CADM1: variants seen among roughly 807,000 people sequenced by gnomAD.
CADM1 encodes cell adhesion molecule 1, also known as TSLC-1.
Under a neutral mutation model 53.1 loss-of-function variants are expected in CADM1, and 15 were observed. The ratio of observed to expected loss-of-function variants is 0.28; its 90% confidence interval spans 0.19 to 0.44. The LOEUF is 0.44. CADM1 is among the 20% of genes least tolerant of loss of function. The probability of loss-of-function intolerance (pLI) is 1.00; values close to 1 mark genes in which losing one functional copy is unlikely to be tolerated. For synonymous variants in CADM1, 281 were observed against 243.0 expected (o/e 1.16, Z -1.45); for missense variants, 434 against 611.3 (o/e 0.71, Z 3.06).
intron 1 of CADM1, among the ~76,000 whole-genome samples, chr11:115,480,157 T>C (rs1412846644): frequency 6.6e-6 from 1 of 152,186 alleles, no homozygotes; most frequent in Non-Finnish European, 1.5e-5. Context: ...TAAGAAAAGA[T>C]ACCTAAGTCT....
chr11:115,206,145 T>G (rs1026598765), intron 8 of CADM1, among the ~76,000 whole-genome samples: 1 of 152,236 alleles, frequency 6.6e-6, no homozygotes, highest in Non-Finnish European at 1.5e-5. Context: ...TATTGAATAC[T>G]GTACTGAAAG....
chr11:115,343,199 T>C (rs1945493609), intron 1 of CADM1, among the ~76,000 whole-genome samples: 2 of 152,236 alleles, frequency 1.3e-5, no homozygotes, highest in South Asian at 4.1e-4. Flanking sequence ...AAAATTAAGT[T>C]AATTGTCCAA....
chr11:115,439,941 C>T (rs1016740820), intron 1 of CADM1, among the ~76,000 whole-genome samples: 1 of 152,150 alleles, frequency 6.6e-6, no homozygotes, highest in African/African-American at 2.4e-5. Flanking sequence ...AATCTGTTCC[C>T]TGAATTAACA....
chr11:115,201,698 C>A (rs1048020377), intron 8 of CADM1, among the ~76,000 whole-genome samples: 4 of 151,914 alleles, frequency 2.6e-5, no homozygotes, highest in African/African-American at 9.7e-5. Context: ...AAAACCTCAT[C>A]TTGCTGCTGC....
At chr11:115,420,849 A>C (rs1425473558) in intron 1 of CADM1, among the ~76,000 whole-genome samples, 1 of 152,134 alleles carries the variant, frequency 6.6e-6, no homozygotes, top group Non-Finnish European at 1.5e-5. Flanking sequence ...AGAAAAGTGC[A>C]TCTTCCTAAA....
At chr11:115,377,905 C>A (rs1281038839) in intron 1 of CADM1, 1 of 152,114 alleles carries the variant, frequency 6.6e-6, no homozygotes, top group Non-Finnish European at 1.5e-5. Flanking sequence ...TTAACCCAGT[C>A]CTTCATGAAC....
At chr11:115,367,146 C>T (rs1310212021) in intron 1 of CADM1, among the ~76,000 whole-genome samples, 1 of 152,192 alleles carries the variant, frequency 6.6e-6, no homozygotes, top group Non-Finnish European at 1.5e-5. Flanking sequence ...CCCCGGAGTT[C>T]GAGGCTGCAG....
At chr11:115,343,738 A>T (rs963809918) in intron 1 of CADM1, among the ~76,000 whole-genome samples, 18 of 146,744 alleles carry the variant, frequency 1.2e-4, no homozygotes, top group African/African-American at 4.5e-4. Flanking sequence ...AAAAAAAAAT[A>T]GCATCGAATA....
chr11:115,182,653 TAG>T (rs1305905229), intron 10 of CADM1, among the ~76,000 whole-genome samples: 1 of 152,112 alleles, frequency 6.6e-6, no homozygotes, highest in African/African-American at 2.4e-5. Flanking sequence ...TCCTCAGAGG[TAG>T]AAAGCTTGGT....
chr11:115,251,670 T>C (rs1340228568), intron 1 of CADM1, among the ~76,000 whole-genome samples: 1 of 152,202 alleles, frequency 6.6e-6, no homozygotes, highest in African/African-American at 2.4e-5. Context: ...CTGGGGTCCA[T>C]GACTAAGGCC....
chr11:115,312,728 A>G (rs890633284), intron 1 of CADM1, among the ~76,000 whole-genome samples: 3 of 152,180 alleles, frequency 2.0e-5, no homozygotes, highest in African/African-American at 2.4e-5. Context: ...AACACCTAAA[A>G]CATCAGATGA....
At chr11:115,220,712 C>T (rs1408718380) in intron 5 of CADM1, among the ~76,000 whole-genome samples, 2 of 152,158 alleles carry the variant, frequency 1.3e-5, no homozygotes, top group Non-Finnish European at 2.9e-5. Flanking sequence ...GTCTATGTGC[C>T]GAGATCTATC....
intron 10 of CADM1, chr11:115,179,201 C>G (rs1939192249): frequency 4.4e-6 from 1 of 226,598 alleles, no homozygotes; most frequent in Admixed American, 4.9e-5. Context: ...CGCCCAATGA[C>G]TTTTATTATC....
chr11:115,287,944 G>T (rs1055226997), intron 1 of CADM1, among the ~76,000 whole-genome samples: 7 of 152,172 alleles, frequency 4.6e-5, no homozygotes, highest in African/African-American at 1.7e-4. Context: ...ACATCATTAT[G>T]TCAGGTGATG....
chr11:115,244,092 A>G (rs1165384959), intron 1 of CADM1, among the ~76,000 whole-genome samples: 1 of 152,246 alleles, frequency 6.6e-6, no homozygotes, highest in Non-Finnish European at 1.5e-5. Context: ...CCTAAAAATA[A>G]AACTATGGCA....
chr11:115,410,310 A>G (rs545492648), intron 1 of CADM1, among the ~76,000 whole-genome samples: 4 of 152,384 alleles, frequency 2.6e-5, no homozygotes, highest in Non-Finnish European at 4.4e-5. Flanking sequence ...TAAAGGACAC[A>G]TCGGAAAATT....
chr11:115,388,340 T>C (rs1946751803), intron 1 of CADM1, among the ~76,000 whole-genome samples: 1 of 152,034 alleles, frequency 6.6e-6, no homozygotes, highest in Admixed American at 6.6e-5. Context: ...GATGAAGTGT[T>C]ATAGTTGGAA....
At chr11:115,486,305 TC>T (rs1324767458) in intron 1 of CADM1, among the ~76,000 whole-genome samples, 1 of 152,216 alleles carries the variant, frequency 6.6e-6, no homozygotes, top group Non-Finnish European at 1.5e-5. Context: ...ACTTCACTGT[TC>T]AAAAAATTTA....
chr11:115,260,389 T>C (rs139774968), intron 1 of CADM1, among the ~76,000 whole-genome samples: 1 of 152,344 alleles, frequency 6.6e-6, no homozygotes, highest in African/African-American at 2.4e-5. Flanking sequence ...ATCATACATA[T>C]TGGTTGTACG....
Sources: allele counts gnomAD v4.1 joint callset (sites outside exome capture counted in the v4.1 genomes callset), GRCh38; gene constraint gnomAD v4.1.1; transcripts MANE v1.5; gene names NCBI Gene and HGNC (gene_info 2026-07-23, HGNC 2026-07-21).